Variants in TRAF3IP3 observed in about 807,000 individuals in gnomAD.
TRAF3IP3 encodes the protein TRAF3-interacting JNK-activating modulator.
TRAF3IP3 carries 64 observed loss-of-function variants against 86.5 expected under a neutral mutation model. The observed-to-expected ratio is 0.74, with a 90% CI of 0.60 to 0.91. The LOEUF is 0.91. Among genes scored for constraint, TRAF3IP3 ranks in the 40% least tolerant of loss-of-function variants. The probability of loss-of-function intolerance (pLI) is 0.00; values close to 1 mark genes in which losing one functional copy is unlikely to be tolerated. For missense variants in TRAF3IP3, 579 were observed against 642.9 expected, an observed-to-expected ratio of 0.90 and a Z score of 1.07; for synonymous variants, 220 against 243.9, an observed-to-expected ratio of 0.90 and a Z score of 0.91.
At chr1:209,781,820 A>C in intron 16 of TRAF3IP3, 1 of 545,570 alleles carries the variant, frequency 1.8e-6, no homozygotes. Context: ...TTCATTATTC[A>C]TATCAGTATT....
chr1:209,757,132 A>G (rs1409281762), intron 1 of TRAF3IP3, among the ~76,000 whole-genome samples: 2 of 152,228 alleles, frequency 1.3e-5, no homozygotes, highest in African/African-American at 4.8e-5. Context: ...AAATCCTAGC[A>G]GGTGTGGTAG....
chr1:209,780,614 G>A lies in TRAF3IP3; in HGVS notation c.1449+8G>A, dbSNP rs906326287. 8 of 1,572,530 alleles carry A rather than the reference G, an allele frequency of 5.1e-6. No homozygotes were observed. Among genetic ancestry groups the A allele is most frequent in the South Asian group, 3.5e-5 (3 of 86,470 alleles). ...CAGGCCAAGGAAAAGGAGGTGAGAG[G>A]GTGACCTGAGATAGTGAGGGCTCAT... On this transcript the variant is annotated splice_region_variant and intron_variant, in intron 15 of 16. Transcript: ENST00000367025.
intron 8 of TRAF3IP3, among the ~76,000 whole-genome samples, chr1:209,764,783 A>G (rs919180197): frequency 7.2e-5 from 11 of 151,732 alleles, no homozygotes; most frequent in African/African-American, 2.4e-4. Context: ...GACACAGTCT[A>G]GTAAAATGGT....
chr1:209,762,773 TC>T (rs773041222), intron 4 of TRAF3IP3, 39 bp from the exon 5 acceptor site: 1 of 1,404,814 alleles, frequency 7.1e-7, no homozygotes, highest in South Asian at 1.1e-5. Context: ...CCTCACTTCC[TC>T]CCTGTAAGTT....
At chr1:209,780,256 C>A (rs529687913) in intron 14 of TRAF3IP3, 49 of 373,350 alleles carry the variant, frequency 1.3e-4, no homozygotes, top group Non-Finnish European at 2.2e-4. Context: ...AGATCCCAAT[C>A]TTGCCCTCAA....
rs2077276932 is a variant in TRAF3IP3 at position 209,763,111 on chromosome 1, T to C, written c.576+19T>C. On this transcript the variant is annotated intron_variant, in intron 6 of 16. Coordinates refer to ENST00000367025, the MANE Select transcript of TRAF3IP3 (RefSeq NM_025228.4). ...GGATAAGGTAAGCACATATTCACTTTGAAGGGGTCAAATCAGAAAGTATTA... is the reference window on the plus strand; with the variant it reads ...GGATAAGGTAAGCACATATTCACTTCGAAGGGGTCAAATCAGAAAGTATTA... 1 of 1,611,670 alleles carries C rather than the reference T, an allele frequency of 6.2e-7. No individual in the cohort carries two copies. The highest frequency in any genetic ancestry group is 2.2e-5 in the East Asian group (1 of 44,870).
intron 8 of TRAF3IP3, among the ~76,000 whole-genome samples, chr1:209,764,180 T>C (rs1396195813): frequency 6.6e-6 from 1 of 152,220 alleles, no homozygotes; most frequent in African/African-American, 2.4e-5. Flanking sequence ...GGTTATGTCC[T>C]CTATACAGAG....
rs542612531 is a variant in TRAF3IP3, at chr1:209,772,827, C to A, written c.703-121C>A. The A allele has an allele frequency of 7.5e-6, 6 of 798,962 alleles. No homozygotes were observed. The African/African-American group carries it at 1.1e-4, about 14-fold the overall frequency. The allele number at this position is 798,962 out of a possible 1,614,324, so 49.5% of individuals were successfully genotyped here. On this transcript the variant is annotated intron_variant, in intron 8 of 16. Transcript: ENST00000367025. ...TGTCATCTTTGCTCCTGCCTGCCTCCTGAAAGAGTTCACTGTTTGAGCACC... is the reference window on the plus strand; with the variant it reads ...TGTCATCTTTGCTCCTGCCTGCCTCATGAAAGAGTTCACTGTTTGAGCACC...
chr1:209,774,790 G>A (rs930620637), intron 9 of TRAF3IP3, among the ~76,000 whole-genome samples: 1 of 152,136 alleles, frequency 6.6e-6, no homozygotes, highest in Non-Finnish European at 1.5e-5. Flanking sequence ...ACTGAAAAGG[G>A]ACTGAAGGGA....
At chr1:209,780,208 ACTAT>A (rs1382156063) in intron 14 of TRAF3IP3, 1 of 260,336 alleles carries the variant, frequency 3.8e-6, no homozygotes, top group Non-Finnish European at 7.2e-6. Flanking sequence ...ATTCACTAAA[ACTAT>A]CTAGCACTAG....
At chr1:209,781,820 A>G (rs1162483137) in intron 16 of TRAF3IP3, 2 of 545,452 alleles carry the variant, frequency 3.7e-6, no homozygotes, top group East Asian at 6.1e-5. Flanking sequence ...TTCATTATTC[A>G]TATCAGTATT....
Position 209,763,402 on chromosome 1 carries a change from ATG to A in TRAF3IP3, c.606+13_606+14del. On this transcript the variant is annotated intron_variant, in intron 7 of 16. Coordinates refer to ENST00000367025, the MANE Select transcript of TRAF3IP3 (RefSeq NM_025228.4). ...TTCTGATTACCTCAAAGTAAGTGGCATGTGACCCCTCCCCTCAGTTCCTCCAT... is the reference window on the plus strand; with the variant it reads ...TTCTGATTACCTCAAAGTAAGTGGCATGACCCCTCCCCTCAGTTCCTCCAT... The A allele has an allele frequency of 6.2e-7, 1 of 1,613,924 alleles. No homozygotes were observed. Among genetic ancestry groups the A allele is most frequent in the South Asian group, 1.1e-5 (1 of 91,082 alleles).
chr1:209,770,400 C>A (rs2077443823), intron 8 of TRAF3IP3, among the ~76,000 whole-genome samples: 1 of 149,648 alleles, frequency 6.7e-6, no homozygotes, highest in African/African-American at 2.5e-5. Context: ...TGTGTGTGTG[C>A]AGGTGGAGGT....
intron 8 of TRAF3IP3, 125 bp downstream of exon 8, chr1:209,763,712 G>C: frequency 1.3e-6 from 1 of 781,904 alleles, no homozygotes; most frequent in Non-Finnish European, 2.1e-6. Context: ...GCTGGGAAGA[G>C]GCAGGAGATG....
intron 8 of TRAF3IP3, among the ~76,000 whole-genome samples, chr1:209,770,766 C>CGT (rs1187732980): frequency 1.8e-4 from 11 of 59,518 alleles, no homozygotes; most frequent in African/African-American, 7.7e-4. Flanking sequence ...TGGAGGTGTG[C>CGT]GTGTGCCTAT....
chr1:209,766,388 A>G (rs1423698432), intron 8 of TRAF3IP3, among the ~76,000 whole-genome samples: 3 of 152,242 alleles, frequency 2.0e-5, no homozygotes, highest in Non-Finnish European at 4.4e-5. Context: ...TACAGGGGCA[A>G]AGAGCATTAC....
At chr1:209,766,193 AC>A (rs2077352744) in intron 8 of TRAF3IP3, among the ~76,000 whole-genome samples, 1 of 152,200 alleles carries the variant, frequency 6.6e-6, no homozygotes, top group Non-Finnish European at 1.5e-5. Context: ...CAGACATTGT[AC>A]CTGGATTTCT....
In TRAF3IP3 at chr1:209,775,629, G is replaced by C. The variant is rs2077637547; in HGVS notation, c.946G>C (p.Glu316Gln). The change falls in exon 11 of 17, where the codon GAA (glutamate) becomes CAA (glutamine). Residue 316 changes from glutamate (E) to glutamine (Q), a missense_variant. Transcript: ENST00000367025. The stretch of plus-strand genomic sequence containing the variant: ...CCTGGCCCTGGCAGAGCAGAAGTGT[G>C]AAGAGTGGAGGAGCCAGTATGAGGC... The part of the protein sequence containing the change: ...RSLALAEQKC[E>Q]EWRSQYEALK... 1.9e-6 allele frequency: 3 copies of C among 1,614,076 alleles called. No homozygotes were observed. The highest frequency in any genetic ancestry group is 2.5e-6 in the Non-Finnish European group (3 of 1,180,026).
chr1:209,774,544 T>C (rs2102499103), intron 9 of TRAF3IP3, among the ~76,000 whole-genome samples: 1 of 152,322 alleles, frequency 6.6e-6, no homozygotes, highest in South Asian at 2.1e-4. Context: ...GTTAACTGGC[T>C]GTAGGCAGAA....
Sources: allele counts gnomAD v4.1 joint callset (sites outside exome capture counted in the v4.1 genomes callset), GRCh38; gene constraint gnomAD v4.1.1; transcripts MANE v1.5; gene names NCBI Gene and HGNC (gene_info 2026-07-23, HGNC 2026-07-21).